Variants in CDH23 observed in about 807,000 individuals in gnomAD.
CDH23 encodes the protein cadherin-23.
Under a neutral mutation model 317.1 loss-of-function variants are expected in CDH23, and 189 were observed. The ratio of observed to expected loss-of-function variants is 0.60; its 90% CI spans 0.53 to 0.67. The LOEUF (loss-of-function observed/expected upper bound fraction) is 0.67. Among genes scored for constraint, CDH23 ranks in the 30% least tolerant of loss-of-function variants. The pLI is 0.00. For missense variants in CDH23, 4,401 were observed against 4,592.4 expected (o/e 0.96, Z 1.20); for synonymous variants, 1,839 against 1,876.8 (o/e 0.98, Z 0.52).
rs116155604 is a variant in CDH23 at position 71,776,609 on chromosome 10, G to A, written c.4846-1071G>A. ...TAGGAAGGCTGGTAAAGCACCCAGA[G>A]ACTAGCACCAACCACAGGAAGCCAC... On this transcript the variant is annotated intron_variant, in intron 38 of 69. Transcript: ENST00000224721. 3.5e-3 allele frequency among the ~76,000 whole-genome samples: 532 copies of A among 152,306 alleles called. 2 individuals carry two copies. The highest frequency in any genetic ancestry group is 0.012 in the African/African-American group (506 of 41,562).
intron 63 of CDH23, 34 bp downstream of exon 63, chr10:71,811,469 C>T (rs1428899512): frequency 2.5e-6 from 4 of 1,614,004 alleles, no homozygotes; most frequent in African/African-American, 1.3e-5. Context: ...GCCCTAGCCG[C>T]CCTCCCCACT....
chr10:71,815,099 G>A lies in CDH23; in HGVS notation c.9886G>A (p.Asp3296Asn), dbSNP rs372388344. 1.2e-5 allele frequency: 20 copies of A among 1,610,934 alleles called. No individual in the cohort carries two copies. The highest frequency in any genetic ancestry group is 5.0e-5 in the Admixed American group (3 of 59,688). ...HGSTGTLLATDLNSLPEEDQK... is the reference protein window; with the variant it reads ...HGSTGTLLATNLNSLPEEDQK... ...CAGCACGGGCACGCTGCTGGCCACC[G>A]ACCTCAACAGCCTGCCCGAGGAAGA... is the stretch of plus-strand genomic sequence containing the variant. The change falls in exon 70 of 70, where the codon GAC (aspartate) becomes AAC (asparagine). Residue 3296 changes from aspartate (D) to asparagine (N), a missense_variant. Around this residue, in one of 3 missense-constraint regions of CDH23, gnomAD observed 1,144 missense variants for 1,138.2 expected, o/e 1.01. Coordinates refer to ENST00000224721, the MANE Select transcript of CDH23 (RefSeq NM_022124.6).
At chr10:71,533,512 G>A (rs990439304) in intron 6 of CDH23, among the ~76,000 whole-genome samples, 17 of 145,062 alleles carry the variant, frequency 1.2e-4, no homozygotes, top group Non-Finnish European at 2.1e-4. Context: ...TGTGACCCTA[G>A]GCTGGCTGGA....
intron 3 of CDH23, among the ~76,000 whole-genome samples, chr10:71,470,419 C>T (rs1851451354): frequency 6.6e-6 from 1 of 152,222 alleles, no homozygotes; most frequent in East Asian, 1.9e-4. Context: ...AAATTCTGTA[C>T]CCATTAGATA....
rs140763702 is a variant in CDH23 at position 71,642,212 on chromosome 10, A to G, written c.1135-1649A>G. Among the ~76,000 whole-genome samples the G allele has an allele frequency of 3.6e-4, 55 of 152,056 alleles. No homozygotes were observed. The East Asian group carries it at 9.7e-3, about 27-fold the overall frequency. Reference sequence around the variant, plus strand: ...TTAGACTGGGCCCTGGAGCGCTCAGATGGTACATCTCAGTTTGTTCTGGTA... The same window carrying G: ...TTAGACTGGGCCCTGGAGCGCTCAGGTGGTACATCTCAGTTTGTTCTGGTA... On this transcript the variant is annotated intron_variant, in intron 11 of 69. Coordinates refer to ENST00000224721, the MANE Select transcript of CDH23 (RefSeq NM_022124.6).
rs1839987422 is a variant in CDH23 at position 71,751,175 on chromosome 10, G to A, written c.4845+9254G>A. The A allele has an allele frequency of 1.3e-6, 2 of 1,509,740 alleles. No individual in the cohort carries two copies. The highest frequency in any genetic ancestry group is 9.0e-7 in the Non-Finnish European group (1 of 1,109,856). The allele number at this position is 1,509,740 out of a possible 1,614,324, so 93.5% of individuals were successfully genotyped here. ...GGGAACCAGGGCCGAGGCCAAGGAG[G>A]CCACTCACAGAGCCAGCCCTGGCTC... On this transcript the variant is annotated intron_variant, in intron 38 of 69. Transcript: ENST00000224721. This position sits in a 1 kb window ranked among gnomAD's most constrained non-coding sequence, Gnocchi z 4.9.
intron 6 of CDH23, among the ~76,000 whole-genome samples, chr10:71,527,701 A>G (rs1855119567): frequency 6.6e-6 from 1 of 152,162 alleles, no homozygotes; most frequent in Non-Finnish European, 1.5e-5. Flanking sequence ...CCTGGGTATG[A>G]ATTCTGACCC....
intron 9 of CDH23, among the ~76,000 whole-genome samples, chr10:71,588,943 T>C (rs999792540): frequency 6.6e-6 from 1 of 152,186 alleles, no homozygotes; most frequent in Non-Finnish European, 1.5e-5. Context: ...AGGCTGCACT[T>C]GGGATCTGGG....
intron 3 of CDH23, among the ~76,000 whole-genome samples, chr10:71,478,258 T>A (rs1396015069): frequency 6.6e-6 from 1 of 152,230 alleles, no homozygotes; most frequent in Non-Finnish European, 1.5e-5. Context: ...GCTCTCAGCT[T>A]CTCACCGTCA....
At chr10:71,715,069 C>T (rs1326423277) in intron 28 of CDH23, 1 of 152,298 alleles carries the variant, frequency 6.6e-6, no homozygotes, top group African/African-American at 2.4e-5. Context: ...GAGGTCCAGA[C>T]CATCCCACCC....
chr10:71,784,433 G>T lies in CDH23; in HGVS notation c.5502+13G>T, dbSNP rs773968476. ...ACTCAGCTCCACAGTGAGTCTGGGGGCCCCACCCGCTGGCTTCACCTCGCT... is the reference window on the plus strand; with the variant it reads ...ACTCAGCTCCACAGTGAGTCTGGGGTCCCCACCCGCTGGCTTCACCTCGCT... On this transcript the variant is annotated intron_variant, in intron 42 of 69. Coordinates refer to ENST00000224721, the MANE Select transcript of CDH23 (RefSeq NM_022124.6). 1 of 1,610,062 alleles carries T rather than the reference G, an allele frequency of 6.2e-7. No individual in the cohort carries two copies.
chr10:71,505,412 C>T (rs1342668052), intron 3 of CDH23, among the ~76,000 whole-genome samples: 1 of 152,152 alleles, frequency 6.6e-6, no homozygotes, highest in Non-Finnish European at 1.5e-5. Context: ...ATGATGATAG[C>T]TAACATTTTT....
At chr10:71,629,521 G>A (rs553539082) in intron 11 of CDH23, among the ~76,000 whole-genome samples, 29 of 152,324 alleles carry the variant, frequency 1.9e-4, no homozygotes, top group Middle Eastern at 3.4e-3. Context: ...ATGGCAAGCC[G>A]CCTAAGGGAA....
At chr10:71,639,943 T>C (rs1041411949) in intron 11 of CDH23, among the ~76,000 whole-genome samples, 16 of 152,120 alleles carry the variant, frequency 1.1e-4, no homozygotes, top group African/African-American at 3.6e-4. Flanking sequence ...GCTGAGCATT[T>C]TAGAGGACTT....
chr10:71,632,284 G>A (rs949979254), intron 11 of CDH23, among the ~76,000 whole-genome samples: 1 of 152,200 alleles, frequency 6.6e-6, no homozygotes, highest in Non-Finnish European at 1.5e-5. Flanking sequence ...AAATCAGCAA[G>A]TGCGTAATTT....
In CDH23 at chr10:71,515,394, T is replaced by TCA. The variant is rs377079980; in HGVS notation, c.429+4206_429+4207dup. On this transcript the variant is annotated intron_variant, in intron 6 of 69. Coordinates refer to ENST00000224721, the MANE Select transcript of CDH23 (RefSeq NM_022124.6). ...CTCTCTCTCTCTCTCTCTCTCTCTCTCACACACACACACACACACACACAC... is the reference window on the plus strand; with the variant it reads ...CTCTCTCTCTCTCTCTCTCTCTCTCTCACACACACACACACACACACACACAC... Among the ~76,000 whole-genome samples, 36 of 26,698 alleles carry TCA rather than the reference T, an allele frequency of 1.3e-3. 1 individual carries two copies. Among genetic ancestry groups the TCA allele is most frequent in the South Asian group, 3.8e-3 (2 of 530 alleles). The allele number at this position is 26,698 out of a possible 152,430, so 17.5% of individuals were successfully genotyped here.
intron 28 of CDH23, among the ~76,000 whole-genome samples, chr10:71,718,561 C>G (rs1389849957): frequency 6.6e-6 from 1 of 152,234 alleles, no homozygotes; most frequent in Non-Finnish European, 1.5e-5. Context: ...GGGGTGTGCC[C>G]ACCGCTCATT....
intron 3 of CDH23, among the ~76,000 whole-genome samples, chr10:71,504,346 A>G (rs1853514086): frequency 6.6e-6 from 1 of 152,194 alleles, no homozygotes; most frequent in East Asian, 1.9e-4. Context: ...CACTGAGCAT[A>G]ATGTCCTCAG....
At chr10:71,540,162 G>A (rs539828587) in intron 6 of CDH23, among the ~76,000 whole-genome samples, 2 of 152,278 alleles carry the variant, frequency 1.3e-5, no homozygotes, top group African/African-American at 2.4e-5. Context: ...ATCTTCCTCC[G>A]GGGTAGGGGG....
Sources: allele counts gnomAD v4.1 joint callset (sites outside exome capture counted in the v4.1 genomes callset), GRCh38; gene constraint gnomAD v4.1.1; regional missense constraint gnomAD v4.1.1; non-coding constraint Gnocchi (gnomAD v3.1); transcripts MANE v1.5; gene names NCBI Gene and HGNC (gene_info 2026-07-23, HGNC 2026-07-21).